The following TCTN1 variants were observed in gnomAD, a reference collection of about 807,000 sequenced individuals.
TCTN1 encodes tectonic-1.
Under a neutral mutation model 65.8 loss-of-function variants are expected in TCTN1, and 58 were observed. The ratio of observed to expected loss-of-function variants is 0.88; its 90% CI spans 0.71 to 1.10. The LOEUF is 1.10. Ranked by LOEUF, TCTN1 falls within the 50% of genes least tolerant of loss-of-function variation. TCTN1 has a pLI of 0.00. For missense variants in TCTN1, 645 were observed against 719.4 expected, an observed-to-expected ratio of 0.90 and a Z score of 1.18; for synonymous variants, 273 against 289.1, an observed-to-expected ratio of 0.94 and a Z score of 0.57.
At position 110,649,324 on chromosome 12, in the gene TCTN1, A is replaced by G; in HGVS notation, c.*283A>G. The G allele has an allele frequency of 6.5e-6, 7 of 1,072,394 alleles. No individual in the cohort carries two copies. Among genetic ancestry groups the G allele is most frequent in the South Asian group, 1.3e-5 (1 of 75,682 alleles). The allele number at this position is 1,072,394 out of a possible 1,614,324, so 66.4% of individuals were successfully genotyped here. ...AGGTATCAAACCAAACCTCTCACCA[A>G]GCGGCCCAGGAGGGGCAGCTGTTCC... On this transcript the variant is annotated 3_prime_UTR_variant, in exon 15 of 15. Coordinates refer to ENST00000397659, the MANE Select transcript of TCTN1 (RefSeq NM_001082538.3).
intron 6 of TCTN1, 166 bp downstream of exon 6, chr12:110,634,945 A>T: frequency 1.8e-6 from 1 of 548,304 alleles, no homozygotes; most frequent in Non-Finnish European, 3.1e-6. Flanking sequence ...CCTTTAAATA[A>T]TTTTTATTTT....
intron 1 of TCTN1, among the ~76,000 whole-genome samples, chr12:110,617,572 T>C (rs1236369499): frequency 6.6e-6 from 1 of 151,676 alleles, no homozygotes; most frequent in African/African-American, 2.4e-5. Context: ...GGGGATCCAC[T>C]CTTCTCAGCC....
rs879348737 is a variant in TCTN1, at chr12:110,621,476, A to AT, written c.341+1534dup. Reference sequence around the variant, plus strand: ...GACATTTTTGCTCCAACTTGGGGCTATTTTTTTTTTTTTTGAGACAGAGTC... The same window carrying AT: ...GACATTTTTGCTCCAACTTGGGGCTATTTTTTTTTTTTTTTGAGACAGAGTC... On this transcript the variant is annotated intron_variant, in intron 2 of 14. Transcript: ENST00000397659. 8.0e-3 allele frequency among the ~76,000 whole-genome samples: 1,122 copies of AT among 139,828 alleles called. 7 individuals are homozygous for AT. The highest frequency in any genetic ancestry group is 0.021 in the African/African-American group (823 of 38,352). The allele number at this position is 139,828 out of a possible 152,430, so 91.7% of individuals were successfully genotyped here. A position where few individuals can be genotyped will look rare whatever the true frequency, so the allele number is the denominator to read the frequency against.
In TCTN1 at chr12:110,636,705, G is replaced by A. The variant is rs1482715199; in HGVS notation, c.843+204G>A. 2.0e-5 allele frequency among the ~76,000 whole-genome samples: 3 copies of A among 152,172 alleles called. No individual in the cohort carries two copies. In the East Asian group the frequency reaches 5.8e-4, roughly 29 times the overall value. ...ACTTCTGGGCTTCCCAGCTGCCTCT[G>A]TTGTTGTGGTTTTGTACTCTTCCAT... On this transcript the variant is annotated intron_variant, in intron 7 of 14. Coordinates refer to ENST00000397659, the MANE Select transcript of TCTN1 (RefSeq NM_001082538.3).
chr12:110,634,934 T>C, intron 6 of TCTN1, 155 bp downstream of exon 6: 1 of 575,406 alleles, frequency 1.7e-6, no homozygotes. Flanking sequence ...ATTGAAATAA[T>C]CCTTTAAATA....
intron 2 of TCTN1, among the ~76,000 whole-genome samples, chr12:110,623,181 C>G (rs1211754632): frequency 6.6e-6 from 1 of 152,230 alleles, no homozygotes; most frequent in African/African-American, 2.4e-5. Flanking sequence ...GATTCAGATT[C>G]ATTCCCACCT....
intron 10 of TCTN1, chr12:110,642,046 T>C (rs1328228596): frequency 1.6e-6 from 1 of 640,454 alleles, no homozygotes; most frequent in African/African-American, 1.8e-5. Context: ...GGCCAGTTTC[T>C]GAGAATTTTT....
rs1190136507 is a variant in TCTN1, at chr12:110,628,602, A to G, written c.473-165A>G. On this transcript the variant is annotated intron_variant, in intron 3 of 14. Transcript: ENST00000397659. ...GCAGTCCGCCCGCCTTGGCCTCCCA[A>G]AGTGTTGAGATTACAGGCGTGAGCC... Among the ~76,000 whole-genome samples, 3 of 152,170 alleles carry G rather than the reference A, an allele frequency of 2.0e-5. No homozygotes were observed. The East Asian group carries it at 5.8e-4, about 29-fold the overall frequency.
chr12:110,619,008 T>C (rs562512628), intron 1 of TCTN1, among the ~76,000 whole-genome samples: 6 of 129,584 alleles, frequency 4.6e-5, no homozygotes, highest in Admixed American at 1.5e-4. Flanking sequence ...CCGTCCCTAA[T>C]AAAAATACAA....
At chr12:110,620,287 G>C (rs1187822880) in intron 2 of TCTN1, among the ~76,000 whole-genome samples, 6 of 151,816 alleles carry the variant, frequency 4.0e-5, no homozygotes, top group Admixed American at 6.6e-5. Flanking sequence ...GGGCACCTGT[G>C]GTCCCAGCTA....
At chr12:110,620,765 A>G (rs1340423536) in intron 2 of TCTN1, among the ~76,000 whole-genome samples, 2 of 152,060 alleles carry the variant, frequency 1.3e-5, no homozygotes, top group Non-Finnish European at 2.9e-5. Context: ...AGGTAAATAA[A>G]TAATCTGTTC....
At chr12:110,632,141 G>A (rs551036836) in intron 4 of TCTN1, among the ~76,000 whole-genome samples, 4 of 152,234 alleles carry the variant, frequency 2.6e-5, no homozygotes, top group Non-Finnish European at 4.4e-5. Flanking sequence ...ATTAATGCTA[G>A]CGAAAAATAA....
intron 2 of TCTN1, among the ~76,000 whole-genome samples, chr12:110,623,391 T>C (rs759538581): frequency 6.6e-6 from 1 of 152,176 alleles, no homozygotes; most frequent in Non-Finnish European, 1.5e-5. Context: ...AATGATAATA[T>C]CCAGTCTTGG....
intron 3 of TCTN1, chr12:110,628,031 TTCTC>T: frequency 6.5e-7 from 1 of 1,535,486 alleles, no homozygotes; most frequent in Non-Finnish European, 8.7e-7. Context: ...GCCTGCTTCC[TTCTC>T]TCTCTTCTGT....
At chr12:110,648,797 T>TTTA (rs1353116409) in intron 14 of TCTN1, 1 of 296,224 alleles carries the variant, frequency 3.4e-6, no homozygotes, top group Non-Finnish European at 6.4e-6. Context: ...AAAGAGAGAG[T>TTTA]TTATTTTATA....
intron 2 of TCTN1, among the ~76,000 whole-genome samples, chr12:110,622,615 G>T (rs907624263): frequency 1.3e-5 from 2 of 152,126 alleles, no homozygotes; most frequent in African/African-American, 2.4e-5. Context: ...GGAACTGCGT[G>T]GACAGAGATG....
At chr12:110,625,756 AT>A (rs148450199) in intron 2 of TCTN1, 33,734 of 128,926 alleles carry the variant, frequency 0.26, 5,059 homozygotes, top group East Asian at 0.55. Context: ...AAAGGATTCA[AT>A]TTTTTTTTTT....
At chr12:110,632,802 T>C (rs895264372) in intron 5 of TCTN1, among the ~76,000 whole-genome samples, 1 of 152,142 alleles carries the variant, frequency 6.6e-6, no homozygotes, top group African/African-American at 2.4e-5. Context: ...GGCCAGTCTT[T>C]TCTACCACAT....
chr12:110,628,422 C>A (rs2065996357), intron 3 of TCTN1, among the ~76,000 whole-genome samples: 1 of 151,026 alleles, frequency 6.6e-6, no homozygotes, highest in Admixed American at 6.6e-5. Context: ...CTCACTGCAA[C>A]CTCTGCCTGC....
Sources: gnomAD v4.1 joint callset for allele counts (sites outside exome capture counted in the v4.1 genomes callset) on GRCh38, gnomAD v4.1.1 for gene constraint, MANE v1.5 for transcripts, NCBI Gene and HGNC (gene_info 2026-07-23, HGNC 2026-07-21) for gene names.